The following RREB1 variants were observed in gnomAD, a reference collection of about 807,000 sequenced individuals.
RREB1 encodes the protein ras-responsive element-binding protein 1.
Under a neutral mutation model 117.8 loss-of-function variants are expected in RREB1, and 27 were observed. The observed-to-expected ratio is 0.23, with a 90% CI of 0.17 to 0.32. The LOEUF is 0.32. Ranked by LOEUF, RREB1 falls within the 10% of genes least tolerant of loss-of-function variation. The probability of loss-of-function intolerance (pLI) is 1.00; values close to 1 mark genes in which losing one functional copy is unlikely to be tolerated. For missense variants in RREB1, 2,577 were observed against 2,378.2 expected (o/e 1.08, Z -1.74); for synonymous variants, 1,298 against 1,026.7 (o/e 1.26, Z -5.05).
intron 1 of RREB1, among the ~76,000 whole-genome samples, chr6:7,158,017 T>C (rs1763466929): frequency 6.6e-6 from 1 of 152,146 alleles, no homozygotes; most frequent in Non-Finnish European, 1.5e-5. Flanking sequence ...AGCCGGCTCA[T>C]GCCTGACTTC....
At chr6:7,188,651 A>G (rs1765234999) in intron 5 of RREB1, among the ~76,000 whole-genome samples, 2 of 152,194 alleles carry the variant, frequency 1.3e-5, no homozygotes, top group African/African-American at 2.4e-5. Context: ...ATTAACATCA[A>G]GTTACTAAAG....
Position 7,181,904 on chromosome 6 carries a change from C to G in RREB1, c.-8C>G, listed in dbSNP as rs759675613. On this transcript the variant is annotated 5_prime_UTR_variant, in exon 4 of 13. Coordinates refer to ENST00000379938, the MANE Select transcript of RREB1 (RefSeq NM_001003699.4). ...AGAGGCTTCTTAGAAGCTTAAACCC[C>G]TGTCCCAATGACGTCAAGTTCGCCC... The G allele has an allele frequency of 3.1e-6, 5 of 1,614,096 alleles. No homozygotes were observed. The highest frequency in any genetic ancestry group is 8.5e-7 in the Non-Finnish European group (1 of 1,180,024).
At chr6:7,133,242 C>A (rs1011570900) in intron 1 of RREB1, among the ~76,000 whole-genome samples, 1 of 152,146 alleles carries the variant, frequency 6.6e-6, no homozygotes, top group African/African-American at 2.4e-5. Context: ...TCTGGACTTG[C>A]ATGTCACATT....
At chr6:7,186,160 G>A (rs1765071775) in intron 4 of RREB1, among the ~76,000 whole-genome samples, 1 of 152,232 alleles carries the variant, frequency 6.6e-6, no homozygotes, top group South Asian at 2.1e-4. Flanking sequence ...TAGGGACGGT[G>A]CCCTCCATCC....
chr6:7,213,688 C>T (rs1232581090), intron 8 of RREB1: 1 of 152,216 alleles, frequency 6.6e-6, no homozygotes, highest in Non-Finnish European at 1.5e-5. Flanking sequence ...CCAGCTGAAC[C>T]TCCCAAAGAG....
At chr6:7,172,251 A>C (rs1353730049) in intron 1 of RREB1, among the ~76,000 whole-genome samples, 1 of 151,468 alleles carries the variant, frequency 6.6e-6, no homozygotes, top group Non-Finnish European at 1.5e-5. Flanking sequence ...GGCTTGCTGT[A>C]GTCTTGAGAG....
At chr6:7,109,189 C>G (rs898758089) in intron 1 of RREB1, among the ~76,000 whole-genome samples, 3 of 151,918 alleles carry the variant, frequency 2.0e-5, no homozygotes, top group African/African-American at 7.3e-5. Context: ...TCTGGGGCTT[C>G]CCTTCCTCCT....
intron 1 of RREB1, among the ~76,000 whole-genome samples, chr6:7,131,017 C>T (rs544558839): frequency 5.6e-5 from 8 of 143,356 alleles, no homozygotes; most frequent in Non-Finnish European, 1.2e-4. Context: ...CGGCTCACTG[C>T]AAGCTCCGCC....
intron 1 of RREB1, among the ~76,000 whole-genome samples, chr6:7,116,948 A>G (rs1761425395): frequency 6.6e-6 from 1 of 152,164 alleles, no homozygotes; most frequent in Non-Finnish European, 1.5e-5. Context: ...CAGAGCTCCA[A>G]TGTGTGGGCC....
At chr6:7,111,266 G>T (rs1761131677) in intron 1 of RREB1, among the ~76,000 whole-genome samples, 1 of 152,164 alleles carries the variant, frequency 6.6e-6, no homozygotes, top group Non-Finnish European at 1.5e-5. Flanking sequence ...GGTCAGTTAG[G>T]AAGTCTTTGC....
chr6:7,195,530 G>T (rs933338427), intron 6 of RREB1, among the ~76,000 whole-genome samples: 1 of 152,214 alleles, frequency 6.6e-6, no homozygotes, highest in Non-Finnish European at 1.5e-5. Flanking sequence ...ACTGCCCTGG[G>T]ATGTGTGTGC....
At chr6:7,159,114 C>G (rs1763526273) in intron 1 of RREB1, among the ~76,000 whole-genome samples, 1 of 152,122 alleles carries the variant, frequency 6.6e-6, no homozygotes, top group Admixed American at 6.5e-5. Context: ...CATAGGGGGA[C>G]TCAGATTTAA....
intron 1 of RREB1, among the ~76,000 whole-genome samples, chr6:7,132,740 T>G (rs1372851584): frequency 1.3e-5 from 2 of 152,196 alleles, no homozygotes; most frequent in Non-Finnish European, 1.5e-5. Flanking sequence ...ATGGAAGTCA[T>G]TAGACCTAAG....
Position 7,248,560 on chromosome 6 carries a change from G to A in RREB1, c.4821G>A (p.Lys1607=). The A allele has an allele frequency of 6.2e-7, 1 of 1,614,276 alleles. No individual in the cohort carries two copies. Among genetic ancestry groups the A allele is most frequent in the Non-Finnish European group, 8.5e-7 (1 of 1,180,056 alleles). ...CCTGCGAGCGAACCTTCACCTTGAA[G>A]CACAGCCTGGTTCGCCACCAGCGGA... The part of the protein sequence containing the change: ...CQTCERTFTL[K]HSLVRHQRIH... The change falls in exon 13 of 13, where the codon AAG becomes AAA. Residue 1607 remains lysine (K), a synonymous_variant. Coordinates refer to ENST00000379938, the MANE Select transcript of RREB1 (RefSeq NM_001003699.4).
At chr6:7,128,486 C>G (rs1762026184) in intron 1 of RREB1, among the ~76,000 whole-genome samples, 1 of 152,108 alleles carries the variant, frequency 6.6e-6, no homozygotes, top group South Asian at 2.1e-4. Flanking sequence ...TCAACAACTT[C>G]ATGAGGTGTA....
chr6:7,238,817 A>T (rs2113157732), intron 10 of RREB1, among the ~76,000 whole-genome samples: 1 of 152,248 alleles, frequency 6.6e-6, no homozygotes, highest in South Asian at 2.1e-4. Context: ...TTATTCTTAA[A>T]AGCGCCTGAG....
Position 7,248,864 on chromosome 6 carries a change from C to G in RREB1, c.5125C>G (p.Pro1709Ala), listed in dbSNP as rs765305567. The change falls in exon 13 of 13, where the codon CCG becomes GCG. Residue 1709 changes from proline (P) to alanine (A), a missense_variant. Coordinates refer to ENST00000379938, the MANE Select transcript of RREB1 (RefSeq NM_001003699.4). Reference sequence around the variant, plus strand: ...CCAGGGTGACCTTAACCCAGAGAGCCCGGCGGCCCTGGGGCAGGACCTGCT... The same window carrying G: ...CCAGGGTGACCTTAACCCAGAGAGCGCGGCGGCCCTGGGGCAGGACCTGCT... ...PGQGDLNPES[P>A]AALGQDLLEP... 6.2e-7 allele frequency: 1 copy of G among 1,600,890 alleles called. No individual in the cohort carries two copies. Among genetic ancestry groups the G allele is most frequent in the African/African-American group, 1.3e-5 (1 of 74,652 alleles).
intron 1 of RREB1, among the ~76,000 whole-genome samples, chr6:7,119,054 G>C (rs1477387336): frequency 6.6e-6 from 1 of 151,932 alleles, no homozygotes; most frequent in Non-Finnish European, 1.5e-5. Context: ...AAGTTTACTG[G>C]TATGGGAAAG....
intron 1 of RREB1, among the ~76,000 whole-genome samples, chr6:7,109,566 C>T (rs551274528): frequency 2.6e-5 from 4 of 152,274 alleles, no homozygotes; most frequent in South Asian, 2.1e-4. Context: ...GGTGCGGGCC[C>T]GGGCCGCTTG....
Sources: gnomAD v4.1 joint callset for allele counts (sites outside exome capture counted in the v4.1 genomes callset) on GRCh38, gnomAD v4.1.1 for gene constraint, MANE v1.5 for transcripts, NCBI Gene and HGNC (gene_info 2026-07-23, HGNC 2026-07-21) for gene names.